The following PNPLA7 variants were observed in gnomAD, a reference collection of about 807,000 sequenced individuals.
The protein encoded by PNPLA7 is patatin like domain 7, lysophospholipase.
PNPLA7 carries 153 observed loss-of-function variants against 161.7 expected under a neutral mutation model. That is an observed-to-expected ratio of 0.95 (90% CI 0.83 to 1.08). The LOEUF is 1.08. Among genes scored for constraint, PNPLA7 ranks in the 50% least tolerant of loss-of-function variants. PNPLA7 has a pLI of 0.00. For synonymous variants in PNPLA7, 809 were observed against 782.1 expected (o/e 1.03, Z -0.57); for missense variants, 1,739 against 1,856.6 (o/e 0.94, Z 1.16).
chr9:137,546,583 C>T (rs959714997), intron 4 of PNPLA7, among the ~76,000 whole-genome samples: 13 of 152,136 alleles, frequency 8.5e-5, no homozygotes, highest in African/African-American at 3.1e-4. Context: ...GGAGTAGAGG[C>T]CTGAGAGGGT....
rs766093497 is a variant in PNPLA7 at position 137,550,262 on chromosome 9, C to T, written c.-65G>A. The T allele has an allele frequency of 1.3e-6, 2 of 1,566,644 alleles. No homozygotes were observed. Among genetic ancestry groups the T allele is most frequent in the Non-Finnish European group, 1.8e-6 (2 of 1,138,134 alleles). On this transcript the variant is annotated 5_prime_UTR_variant, in exon 1 of 35. Coordinates refer to ENST00000406427, the MANE Select transcript of PNPLA7 (RefSeq NM_001098537.3). ...CAGCCTGAAGCAAACAAGGGCACAC[C>T]TCTACCCGCTCATGCTCACACCTGG...
chr9:137,481,447 G>C (rs145079695), intron 21 of PNPLA7, among the ~76,000 whole-genome samples: 1 of 152,246 alleles, frequency 6.6e-6, no homozygotes, highest in African/African-American at 2.4e-5. Context: ...AGGGTCCCCA[G>C]TGTTGACATG....
At chr9:137,470,447 G>A (rs1831656145) in intron 25 of PNPLA7, among the ~76,000 whole-genome samples, 1 of 152,178 alleles carries the variant, frequency 6.6e-6, no homozygotes, top group Non-Finnish European at 1.5e-5. Context: ...TTCTGGCTGA[G>A]CGCAGCGGCT....
intron 25 of PNPLA7, among the ~76,000 whole-genome samples, chr9:137,469,902 A>C (rs925905837): frequency 2.0e-5 from 3 of 152,240 alleles, no homozygotes; most frequent in Admixed American, 1.3e-4. Flanking sequence ...TCATGCCATA[A>C]ATAGAAAAAT....
At position 137,499,942 on chromosome 9, in the gene PNPLA7, C is replaced by T. The variant is rs1345182271; in HGVS notation, c.1757+749G>A. On this transcript the variant is annotated intron_variant, in intron 16 of 34. Transcript: ENST00000406427. This position sits in a 1 kb window ranked among gnomAD's most constrained non-coding sequence, Gnocchi z 5.5. ...GGACTTCCAGAAAACACACACAGAA[C>T]GGCTCAAGCCACCAGAGGCGAGAGC... Among the ~76,000 whole-genome samples the T allele has an allele frequency of 3.3e-5, 5 of 152,332 alleles. No homozygotes were observed. The highest frequency in any genetic ancestry group is 1.9e-4 in the East Asian group (1 of 5,180).
chr9:137,491,151 C>G (rs886956246), intron 20 of PNPLA7, among the ~76,000 whole-genome samples: 2 of 152,058 alleles, frequency 1.3e-5, no homozygotes, highest in Non-Finnish European at 2.9e-5. Context: ...CCCAGCTACT[C>G]AGGAGGCTGA....
At chr9:137,506,113 G>C in intron 12 of PNPLA7, 30 bp from the exon 13 acceptor site, 1 of 1,580,604 alleles carries the variant, frequency 6.3e-7, no homozygotes, top group Non-Finnish European at 8.6e-7. Flanking sequence ...TCAGGACACG[G>C]TTCGCTAGGC....
At chr9:137,528,518 G>A (rs1395461614) in intron 8 of PNPLA7, among the ~76,000 whole-genome samples, 1 of 152,096 alleles carries the variant, frequency 6.6e-6, no homozygotes, top group Non-Finnish European at 1.5e-5. Flanking sequence ...CTGACCTCAA[G>A]TGATGCACCC....
In PNPLA7 at chr9:137,464,358, G is replaced by C; in HGVS notation, c.3138C>G (p.Phe1046Leu). 1 of 1,613,846 alleles carries C rather than the reference G, an allele frequency of 6.2e-7. No homozygotes were observed. Among genetic ancestry groups the C allele is most frequent in the Admixed American group, 1.7e-5 (1 of 60,032 alleles). Reference protein sequence around the residue: ...AGFNSSIFSVFKDQQIEDLWI... With the variant: ...AGFNSSIFSVLKDQQIEDLWI... ...GGTGCACCTCGATCTGCTGGTCCTT[G>C]AAGACGCTGAAGATGCTGCTGTTGA... is the stretch of plus-strand genomic sequence containing the variant. Residue 1046 changes from phenylalanine (F) to leucine (L), a missense_variant, in exon 27 of 35, where the codon TTC (phenylalanine) becomes TTG (leucine). Phe to Leu is a conservative substitution (Grantham distance 22). Transcript: ENST00000406427.
rs563961749 is a variant in PNPLA7, at chr9:137,477,221, C to A, written c.2882+813G>T. On this transcript the variant is annotated intron_variant, in intron 25 of 34. Transcript: ENST00000406427. The stretch of plus-strand genomic sequence containing the variant: ...TCCCACCCTCCTCGTGGCTCCCAGG[C>A]TCCATCTCTGTTCCAAGGGTATTTA... 3.3e-5 allele frequency among the ~76,000 whole-genome samples: 5 copies of A among 152,352 alleles called. No homozygotes were observed. The South Asian group carries it at 1.0e-3, about 32-fold the overall frequency.
Position 137,499,214 on chromosome 9 carries a change from C to G in PNPLA7, c.1758-969G>C, listed in dbSNP as rs1026121369. Among the ~76,000 whole-genome samples, 6 of 148,584 alleles carry G rather than the reference C, an allele frequency of 4.0e-5. No homozygotes were observed. Among genetic ancestry groups the G allele is most frequent in the African/African-American group, 1.5e-4 (6 of 40,218 alleles). ...GACACAGGCAGACACACAGGCACAC[C>G]GAGACACACACAGACACACAGACAC... On this transcript the variant is annotated intron_variant, in intron 16 of 34. Transcript: ENST00000406427. This position sits in a 1 kb window ranked among gnomAD's most constrained non-coding sequence, Gnocchi z 5.5.
chr9:137,495,189 G>A (rs779229477), intron 18 of PNPLA7, 43 bp from the exon 19 acceptor site: 6 of 1,447,728 alleles, frequency 4.1e-6, no homozygotes, highest in Admixed American at 3.5e-5. Context: ...GCTTGGGAGG[G>A]CCGAGCCAGC....
chr9:137,499,348 C>G lies in PNPLA7; in HGVS notation c.1758-1103G>C, dbSNP rs906543957. Among the ~76,000 whole-genome samples the G allele has an allele frequency of 2.0e-5, 3 of 151,952 alleles. No individual in the cohort carries two copies. The highest frequency in any genetic ancestry group is 2.9e-5 in the Non-Finnish European group (2 of 67,960). On this transcript the variant is annotated intron_variant, in intron 16 of 34. Transcript: ENST00000406427. This position sits in a 1 kb window ranked among gnomAD's most constrained non-coding sequence, Gnocchi z 5.5. ...GAGACACACGCAGACACACGACACA[C>G]GCAGACACACAGATAGACACACAGC...
chr9:137,472,767 C>T (rs1006416306), intron 25 of PNPLA7, among the ~76,000 whole-genome samples: 1 of 151,644 alleles, frequency 6.6e-6, no homozygotes, highest in East Asian at 1.9e-4. Flanking sequence ...CCAGCCTGAC[C>T]AACATGGTGA....
intron 25 of PNPLA7, among the ~76,000 whole-genome samples, chr9:137,477,595 C>T (rs867497622): frequency 7.9e-5 from 12 of 152,102 alleles, no homozygotes; most frequent in Non-Finnish European, 1.6e-4. Context: ...ACTACAGGTG[C>T]GCGCCACCAC....
chr9:137,481,717 C>T (rs1359449406), intron 21 of PNPLA7, among the ~76,000 whole-genome samples: 1 of 152,192 alleles, frequency 6.6e-6, no homozygotes, highest in Non-Finnish European at 1.5e-5. Context: ...AATCCCAGCA[C>T]TTTGGGAGGC....
intron 9 of PNPLA7, 22 bp from the exon 10 acceptor site, chr9:137,521,738 G>C: frequency 6.2e-7 from 1 of 1,603,108 alleles, no homozygotes; most frequent in Non-Finnish European, 8.5e-7. Context: ...CGCCAGCTGC[G>C]CGGTGACCAC....
At chr9:137,478,845 C>A (rs1017414400) in intron 24 of PNPLA7, 2 of 663,540 alleles carry the variant, frequency 3.0e-6, no homozygotes, top group African/African-American at 3.7e-5. Flanking sequence ...CTGTGCCTGC[C>A]CCCACTGCAC....
Position 137,547,306 on chromosome 9 carries a change from C to T in PNPLA7, c.193+3G>A, listed in dbSNP as rs770267406. ...GGGCCAGAGTCGGAACCAAGATACT[C>T]ACGAAATTGTCTAAGCCTTCTGAAC... On this transcript the variant is annotated splice_donor_region_variant and intron_variant, in intron 3 of 34. Transcript: ENST00000406427. The surrounding 1 kb of genome is among the most constrained non-coding windows in gnomAD (Gnocchi z 4.6). 4.3e-6 allele frequency: 7 copies of T among 1,613,284 alleles called. No homozygotes were observed. In the Admixed American group the frequency reaches 8.3e-5, roughly 19 times the overall value.
Sources: gnomAD v4.1 joint callset for allele counts (sites outside exome capture counted in the v4.1 genomes callset) on GRCh38, gnomAD v4.1.1 for gene constraint, Gnocchi (gnomAD v3.1) non-coding constraint, MANE v1.5 for transcripts, NCBI Gene and HGNC (gene_info 2026-07-23, HGNC 2026-07-21) for gene names.